C14orf132: variants seen among roughly 807,000 people sequenced by gnomAD.
C14orf132 encodes chromosome 14 open reading frame 132.
A neutral mutation model predicts 5.8 loss-of-function variants in C14orf132; 6 were observed. The observed-to-expected ratio is 1.03, with a 90% confidence interval of 0.57 to 2.04. The LOEUF is 2.04. Ranked by LOEUF, C14orf132 falls within the 30% of genes most tolerant of loss-of-function variation. C14orf132 has a pLI of 0.00. For missense variants in C14orf132, 125 were observed against 115.8 expected, an observed-to-expected ratio of 1.08 and a Z score of -0.37; for synonymous variants, 51 against 49.8, an observed-to-expected ratio of 1.02 and a Z score of -0.10.
chr14:96,053,745 A>G (rs764564209), intron 1 of C14orf132, among the ~76,000 whole-genome samples: 7 of 152,200 alleles, frequency 4.6e-5, no homozygotes, highest in Non-Finnish European at 1.0e-4. Context: ...ACTGTTAGCC[A>G]GGTCACACGG....
Position 96,087,043 on chromosome 14 carries a change from G to A in C14orf132, c.*308G>A, listed in dbSNP as rs1392826147. On this transcript the variant is annotated 3_prime_UTR_variant, in exon 2 of 2. Coordinates refer to ENST00000555004, the MANE Select transcript of C14orf132 (RefSeq NM_001252507.3). ...GGGACCAGATGAGACAGCTAGTTAA[G>A]TTTAAAACATAGACATGATTTGATG... 11 of 421,878 alleles carry A rather than the reference G, an allele frequency of 2.6e-5. No homozygotes were observed. In the East Asian group the frequency reaches 4.9e-4, roughly 19 times the overall value. The allele number at this position is 421,878 out of a possible 1,614,324, so 26.1% of individuals were successfully genotyped here.
Position 96,089,258 on chromosome 14 carries a change from G to C in C14orf132, c.*2523G>C, listed in dbSNP as rs554245095. On this transcript the variant is annotated 3_prime_UTR_variant, in exon 2 of 2. Transcript: ENST00000555004. ...AGTTTGGAAAGGGGAAAAAGATGCC[G>C]GTCCTCACTGCTTAAGTTTTGTGTC... The C allele has an allele frequency of 6.6e-6, 1 of 152,280 alleles. No individual in the cohort carries two copies. Among genetic ancestry groups the C allele is most frequent in the East Asian group, 1.9e-4 (1 of 5,196 alleles). The allele number at this position is 152,280 out of a possible 1,614,324, so 9.4% of individuals were successfully genotyped here.
At chr14:96,081,055 C>T (rs892667818) in intron 1 of C14orf132, among the ~76,000 whole-genome samples, 25 of 152,320 alleles carry the variant, frequency 1.6e-4, no homozygotes, top group South Asian at 2.1e-4. Context: ...TTATAAGAAA[C>T]GACTGCAGAT....
rs1040348112 is a variant in C14orf132, at chr14:96,086,896, C to T, written c.*161C>T. The T allele has an allele frequency of 2.7e-6, 2 of 728,820 alleles. No homozygotes were observed. The highest frequency in any genetic ancestry group is 5.6e-5 in the Admixed American group (2 of 36,002). 45.1% of individuals were successfully genotyped at this position (728,820 alleles called of 1,614,324 possible). A position where few individuals can be genotyped will look rare whatever the true frequency, so the allele number is the denominator to read the frequency against. On this transcript the variant is annotated 3_prime_UTR_variant, in exon 2 of 2. Coordinates refer to ENST00000555004, the MANE Select transcript of C14orf132 (RefSeq NM_001252507.3). ...CCAGCAGCCCTGATTTCAAATATCC[C>T]ATGTTGTGGTCAAGCTGAGTCAGAA...
At chr14:96,086,425 T>G (rs1354233015) in intron 1 of C14orf132, 86 bp from the exon 2 acceptor site, 7 of 1,226,586 alleles carry the variant, frequency 5.7e-6, no homozygotes, top group Non-Finnish European at 6.8e-6. Flanking sequence ...CATGTGGGGT[T>G]GTTTGACCAG....
At chr14:96,080,200 C>T (rs59556020) in intron 1 of C14orf132, among the ~76,000 whole-genome samples, 33,452 of 152,060 alleles carry the variant, frequency 0.22, 4,032 homozygotes, top group Non-Finnish European at 0.27. Context: ...TCACCCCATC[C>T]AAGCCACTCC....
At chr14:96,065,912 C>T (rs895887455) in intron 1 of C14orf132, among the ~76,000 whole-genome samples, 1 of 152,140 alleles carries the variant, frequency 6.6e-6, no homozygotes, top group Admixed American at 6.5e-5. Context: ...TTTATGGCAA[C>T]CTTTGCCAGC....
intron 1 of C14orf132, among the ~76,000 whole-genome samples, chr14:96,050,960 C>T (rs1262183152): frequency 3.3e-5 from 5 of 152,122 alleles, no homozygotes; most frequent in Non-Finnish European, 5.9e-5. Flanking sequence ...TCCACCGTTC[C>T]TCCTTTTCTC....
At chr14:96,081,596 A>G (rs1436330811) in intron 1 of C14orf132, among the ~76,000 whole-genome samples, 2 of 152,222 alleles carry the variant, frequency 1.3e-5, no homozygotes, top group South Asian at 2.1e-4. Context: ...ACAAGCCAAC[A>G]AGTGTTTTTG....
chr14:96,086,059 T>G (rs1167988520), intron 1 of C14orf132, among the ~76,000 whole-genome samples: 2 of 152,084 alleles, frequency 1.3e-5, no homozygotes, highest in Non-Finnish European at 2.9e-5. Flanking sequence ...ATGTTAGCAC[T>G]GATTATGTGG....
chr14:96,071,949 T>A (rs1397755114), intron 1 of C14orf132, among the ~76,000 whole-genome samples: 1 of 152,228 alleles, frequency 6.6e-6, no homozygotes, highest in Non-Finnish European at 1.5e-5. Context: ...GCCATGTGAA[T>A]GTGGCCTCAC....
intron 1 of C14orf132, among the ~76,000 whole-genome samples, chr14:96,071,181 A>G (rs563417469): frequency 1.2e-4 from 18 of 152,310 alleles, no homozygotes; most frequent in African/African-American, 3.9e-4. Context: ...TTTTCTTCAC[A>G]TGATGGCAGG....
intron 1 of C14orf132, among the ~76,000 whole-genome samples, chr14:96,041,455 C>T (rs553580791): frequency 4.6e-5 from 7 of 152,194 alleles, no homozygotes; most frequent in Non-Finnish European, 5.9e-5. Context: ...GAGAAAGATA[C>T]GATGTAAGGT....
chr14:96,089,085 T>TTC lies in C14orf132; in HGVS notation c.*2352_*2353dup, dbSNP rs1321214260. On this transcript the variant is annotated 3_prime_UTR_variant, in exon 2 of 2. Transcript: ENST00000555004. Reference sequence around the variant, plus strand: ...TTGCCCCATCTTGGTCTCCTGTGGTTTCTTCATCAGCTTTTTTTTTACCAG... The same window carrying TTC: ...TTGCCCCATCTTGGTCTCCTGTGGTTTCTCTTCATCAGCTTTTTTTTTACCAG... 4 of 152,312 alleles carry TTC rather than the reference T, an allele frequency of 2.6e-5. No homozygotes were observed. Among genetic ancestry groups the TTC allele is most frequent in the Non-Finnish European group, 4.4e-5 (3 of 68,092 alleles). 9.4% of individuals were successfully genotyped at this position (152,312 alleles called of 1,614,324 possible).
chr14:96,063,850 A>G (rs939629513), intron 1 of C14orf132, among the ~76,000 whole-genome samples: 3 of 152,198 alleles, frequency 2.0e-5, no homozygotes, highest in African/African-American at 4.8e-5. Flanking sequence ...TCCAGAATCT[A>G]CAACAAAATC....
rs952083486 is a variant in C14orf132, at chr14:96,092,195, G to A, written c.*5460G>A. On this transcript the variant is annotated 3_prime_UTR_variant, in exon 2 of 2. Coordinates refer to ENST00000555004, the MANE Select transcript of C14orf132 (RefSeq NM_001252507.3). ...AGAGCAGAGAATGACGTGGACATTG[G>A]TCCTCGGAGAGGCTGCGTAGGTGGT... is the stretch of plus-strand genomic sequence containing the variant. 1 of 152,204 alleles carries A rather than the reference G, an allele frequency of 6.6e-6. No individual in the cohort carries two copies. Among genetic ancestry groups the A allele is most frequent in the Non-Finnish European group, 1.5e-5 (1 of 68,036 alleles). 9.4% of individuals were successfully genotyped at this position (152,204 alleles called of 1,614,324 possible).
intron 1 of C14orf132, among the ~76,000 whole-genome samples, chr14:96,081,940 T>C (rs1021283933): frequency 1.3e-5 from 2 of 152,166 alleles, no homozygotes; most frequent in African/African-American, 2.4e-5. Context: ...TTTTTTAATC[T>C]TGATGTGAAT....
intron 1 of C14orf132, chr14:96,040,170 G>A (rs879309774): frequency 4.7e-4 from 113 of 241,638 alleles, no homozygotes; most frequent in Non-Finnish European, 7.2e-4. Context: ...CCCAGTGGCC[G>A]GAAAAACAAA....
In C14orf132 at chr14:96,093,368, G is replaced by A. The variant is rs867571068; in HGVS notation, c.*6633G>A. The A allele has an allele frequency of 2.0e-5, 3 of 152,256 alleles. No individual in the cohort carries two copies. The highest frequency in any genetic ancestry group is 4.4e-5 in the Non-Finnish European group (3 of 68,060). The allele number at this position is 152,256 out of a possible 1,614,324, so 9.4% of individuals were successfully genotyped here. A position where few individuals can be genotyped will look rare whatever the true frequency, so the allele number is the denominator to read the frequency against. On this transcript the variant is annotated 3_prime_UTR_variant, in exon 2 of 2. Coordinates refer to ENST00000555004, the MANE Select transcript of C14orf132 (RefSeq NM_001252507.3). ...GCATATGAAGAGTATGCTTGGGGAA[G>A]AGCTTAGGAATGGGGTGGGCATGGG...
Sources: gnomAD v4.1 joint callset for allele counts (sites outside exome capture counted in the v4.1 genomes callset) on GRCh38, gnomAD v4.1.1 for gene constraint, MANE v1.5 for transcripts, NCBI Gene and HGNC (gene_info 2026-07-23, HGNC 2026-07-21) for gene names.